The following CDKAL1 variants were observed in gnomAD, a reference collection of about 807,000 sequenced individuals.
The protein encoded by CDKAL1 is threonylcarbamoyladenosine tRNA methylthiotransferase.
In CDKAL1, 32 loss-of-function variants were observed where a neutral mutation model predicts 68.2. The ratio of observed to expected loss-of-function variants is 0.47; its 90% confidence interval spans 0.35 to 0.63. The LOEUF (loss-of-function observed/expected upper bound fraction) is 0.63, where lower values mean the gene tolerates loss of function less well. CDKAL1 is among the 30% of genes least tolerant of loss of function. The pLI is 0.00. For synonymous variants in CDKAL1, 234 were observed against 244.3 expected (o/e 0.96, Z 0.39); for missense variants, 606 against 696.7 (o/e 0.87, Z 1.47).
intron 4 of CDKAL1, among the ~76,000 whole-genome samples, chr6:20,594,646 G>A (rs531756549): frequency 1.1e-4 from 16 of 152,238 alleles, no homozygotes; most frequent in South Asian, 4.2e-4. Flanking sequence ...TTGCCAGTCC[G>A]TGTCTTTTAG....
At chr6:20,853,011 A>G (rs1307468490) in intron 9 of CDKAL1, among the ~76,000 whole-genome samples, 2 of 152,212 alleles carry the variant, frequency 1.3e-5, no homozygotes, top group African/African-American at 4.8e-5. Flanking sequence ...TGCTGCAACT[A>G]TTTAGTTCTG....
chr6:20,832,639 G>A (rs1235617334), intron 8 of CDKAL1, among the ~76,000 whole-genome samples: 2 of 152,060 alleles, frequency 1.3e-5, no homozygotes, highest in Non-Finnish European at 2.9e-5. Context: ...CTGGGTGACA[G>A]ACTAAGACCC....
At chr6:20,863,353 C>T (rs1156334440) in intron 9 of CDKAL1, among the ~76,000 whole-genome samples, 2 of 152,152 alleles carry the variant, frequency 1.3e-5, no homozygotes, top group Admixed American at 6.5e-5. Context: ...ATCAATAGTG[C>T]TTACTAGATT....
intron 9 of CDKAL1, among the ~76,000 whole-genome samples, chr6:20,895,089 G>A (rs1472894241): frequency 6.6e-6 from 1 of 152,020 alleles, no homozygotes; most frequent in Admixed American, 6.6e-5. Context: ...TGTATGTTTT[G>A]TAAGTTTATA....
intron 4 of CDKAL1, among the ~76,000 whole-genome samples, chr6:20,624,784 C>A (rs1048204749): frequency 3.3e-5 from 5 of 152,014 alleles, no homozygotes; most frequent in Admixed American, 2.0e-4. Flanking sequence ...TGTATAAGAA[C>A]AAATGCCTGC....
intron 5 of CDKAL1, among the ~76,000 whole-genome samples, chr6:20,688,201 A>T (rs930390517): frequency 6.7e-6 from 1 of 149,804 alleles, no homozygotes; most frequent in African/African-American, 2.5e-5. Flanking sequence ...TATGTCATGC[A>T]TAGGTATAGT....
In CDKAL1 at chr6:21,216,105, A is replaced by T. The variant is rs143278285; in HGVS notation, c.1549-14743A>T. ...GGCAAGGCAATGGATTCTCCCCTAC[A>T]GCCCTAGAAGGAGTCCACATCACAC... On this transcript the variant is annotated intron_variant, in intron 15 of 15. Coordinates refer to ENST00000274695, the MANE Select transcript of CDKAL1 (RefSeq NM_017774.3). Among the ~76,000 whole-genome samples the T allele has an allele frequency of 2.0e-5, 3 of 152,332 alleles. No homozygotes were observed. In the East Asian group the frequency reaches 5.8e-4, roughly 29 times the overall value.
At chr6:20,704,407 A>G (rs1459713965) in intron 5 of CDKAL1, among the ~76,000 whole-genome samples, 1 of 152,278 alleles carries the variant, frequency 6.6e-6, no homozygotes. Flanking sequence ...CCTGAATGAA[A>G]TAAGGTAATG....
At chr6:21,150,828 T>G (rs558155909) in intron 13 of CDKAL1, among the ~76,000 whole-genome samples, 2 of 152,186 alleles carry the variant, frequency 1.3e-5, no homozygotes, top group South Asian at 4.1e-4. Context: ...GTCAAACTGC[T>G]CATGAAATGT....
At chr6:20,895,018 C>T (rs1189625863) in intron 9 of CDKAL1, among the ~76,000 whole-genome samples, 1 of 152,140 alleles carries the variant, frequency 6.6e-6, no homozygotes, top group African/African-American at 2.4e-5. Context: ...GTTCTCTTCA[C>T]CTGCTGCTCT....
intron 11 of CDKAL1, among the ~76,000 whole-genome samples, chr6:21,047,205 T>A (rs1353145724): frequency 1.3e-5 from 2 of 152,208 alleles, no homozygotes; most frequent in East Asian, 3.9e-4. Context: ...TGTGTGTTAC[T>A]GAGCCAGGGA....
At chr6:20,872,130 A>G (rs1018027232) in intron 9 of CDKAL1, among the ~76,000 whole-genome samples, 6 of 152,206 alleles carry the variant, frequency 3.9e-5, no homozygotes, top group African/African-American at 1.2e-4. Context: ...ATCATGTTTA[A>G]AAACATAACC....
At chr6:20,594,175 G>C (rs1282455951) in intron 4 of CDKAL1, among the ~76,000 whole-genome samples, 1 of 152,214 alleles carries the variant, frequency 6.6e-6, no homozygotes, top group Non-Finnish European at 1.5e-5. Flanking sequence ...GGAGAGTTCT[G>C]TAGATGTCTA....
At chr6:21,123,136 C>T (rs1385147304) in intron 13 of CDKAL1, among the ~76,000 whole-genome samples, 1 of 152,090 alleles carries the variant, frequency 6.6e-6, no homozygotes, top group Non-Finnish European at 1.5e-5. Context: ...ATATTATTTT[C>T]CCCACCTTAT....
chr6:21,178,567 A>T (rs1386953529), intron 13 of CDKAL1, among the ~76,000 whole-genome samples: 1 of 152,166 alleles, frequency 6.6e-6, no homozygotes, highest in African/African-American at 2.4e-5. Context: ...AAAAGAGAGG[A>T]TCACATGGTG....
At chr6:20,854,970 T>C (rs1759248408) in intron 9 of CDKAL1, among the ~76,000 whole-genome samples, 1 of 152,228 alleles carries the variant, frequency 6.6e-6, no homozygotes, top group Admixed American at 6.5e-5. Context: ...CAGTTTTGAC[T>C]CTTAGCTTCT....
intron 4 of CDKAL1, among the ~76,000 whole-genome samples, chr6:20,598,731 C>T (rs1027525306): frequency 2.0e-5 from 3 of 152,122 alleles, no homozygotes; most frequent in African/African-American, 7.2e-5. Context: ...AGATTTACTA[C>T]ATGCTATAAG....
At chr6:21,205,731 C>G (rs564512786) in intron 15 of CDKAL1, among the ~76,000 whole-genome samples, 25 of 150,196 alleles carry the variant, frequency 1.7e-4, no homozygotes, top group Non-Finnish European at 2.2e-4. Context: ...CGGGGTTTCA[C>G]TGTGTTAGCC....
chr6:20,631,063 A>T (rs1422146391), intron 4 of CDKAL1, among the ~76,000 whole-genome samples: 1 of 152,222 alleles, frequency 6.6e-6, no homozygotes, highest in Non-Finnish European at 1.5e-5. Flanking sequence ...TAAGGCAGAT[A>T]AAAGGTCGGC....
Sources: gnomAD v4.1 joint callset for allele counts (sites outside exome capture counted in the v4.1 genomes callset) on GRCh38, gnomAD v4.1.1 for gene constraint, MANE v1.5 for transcripts, NCBI Gene and HGNC (gene_info 2026-07-23, HGNC 2026-07-21) for gene names.